RSU1: variants seen among roughly 807,000 people sequenced by gnomAD.
RSU1 encodes the protein Ras suppressor protein 1.
A neutral mutation model predicts 31.1 loss-of-function variants in RSU1; 26 were observed. That is an observed-to-expected ratio of 0.84 (90% CI 0.61 to 1.16). RSU1 has a LOEUF of 1.16. Ranked by LOEUF, RSU1 falls within the 50% of genes most tolerant of loss-of-function variation. The pLI is 0.00. For synonymous variants in RSU1, 164 were observed against 136.3 expected (o/e 1.20, Z -1.41); for missense variants, 320 against 339.1 (o/e 0.94, Z 0.44).
chr10:16,633,935 A>G (rs1834300495), intron 8 of RSU1, among the ~76,000 whole-genome samples: 1 of 152,156 alleles, frequency 6.6e-6, no homozygotes. Flanking sequence ...GCTATCTCCA[A>G]CTGGTTTTCC....
At chr10:16,692,799 A>C (rs1316365882) in intron 8 of RSU1, among the ~76,000 whole-genome samples, 2 of 152,198 alleles carry the variant, frequency 1.3e-5, no homozygotes, top group Non-Finnish European at 2.9e-5. Context: ...ATTAATACAC[A>C]TCCTATACCT....
chr10:16,804,779 C>T (rs529718448), intron 2 of RSU1, among the ~76,000 whole-genome samples: 1 of 152,074 alleles, frequency 6.6e-6, no homozygotes, highest in Non-Finnish European at 1.5e-5. Context: ...ATTATAGAGA[C>T]AAACTGTAAC....
chr10:16,607,404 G>A (rs184109172), intron 8 of RSU1, among the ~76,000 whole-genome samples: 26 of 152,324 alleles, frequency 1.7e-4, no homozygotes, highest in Admixed American at 3.9e-4. Flanking sequence ...TGGACATCAC[G>A]TTTAATCTAA....
At chr10:16,658,368 A>C (rs1834827953) in intron 8 of RSU1, among the ~76,000 whole-genome samples, 1 of 152,132 alleles carries the variant, frequency 6.6e-6, no homozygotes. Context: ...TTTCCCCTTG[A>C]AAATATAAAG....
intron 3 of RSU1, among the ~76,000 whole-genome samples, chr10:16,779,943 T>A (rs1266249376): frequency 6.6e-6 from 1 of 152,110 alleles, no homozygotes; most frequent in Non-Finnish European, 1.5e-5. Flanking sequence ...TTACCAAGAC[T>A]ATTAATTAGA....
intron 3 of RSU1, among the ~76,000 whole-genome samples, chr10:16,766,863 A>C (rs1837324378): frequency 6.6e-6 from 1 of 150,492 alleles, no homozygotes; most frequent in Admixed American, 6.6e-5. Context: ...AAAATAAATA[A>C]ATAAATAAAT....
chr10:16,739,803 G>C (rs954202868), intron 7 of RSU1, among the ~76,000 whole-genome samples: 4 of 151,954 alleles, frequency 2.6e-5, no homozygotes, highest in African/African-American at 9.7e-5. Context: ...TTGAGATGGG[G>C]TTTCTCCATG....
chr10:16,803,483 T>C (rs1030502589), intron 2 of RSU1, among the ~76,000 whole-genome samples: 2 of 152,128 alleles, frequency 1.3e-5, no homozygotes, highest in African/African-American at 4.8e-5. Flanking sequence ...TTTATGGATA[T>C]CAACAAACTG....
chr10:16,726,020 C>T (rs142272772), intron 7 of RSU1, among the ~76,000 whole-genome samples: 1 of 151,024 alleles, frequency 6.6e-6, no homozygotes, highest in East Asian at 1.9e-4. Flanking sequence ...TACATATGCA[C>T]GTATATATGT....
chr10:16,661,493 C>T (rs1366297706), intron 8 of RSU1, among the ~76,000 whole-genome samples: 2 of 152,236 alleles, frequency 1.3e-5, no homozygotes, highest in African/African-American at 2.4e-5. Flanking sequence ...TTTCCATGAC[C>T]TGGCAAGTAG....
At chr10:16,741,289 A>T (rs1190492564) in intron 7 of RSU1, among the ~76,000 whole-genome samples, 1 of 152,236 alleles carries the variant, frequency 6.6e-6, no homozygotes, top group Non-Finnish European at 1.5e-5. Flanking sequence ...TCCTTAGCTC[A>T]TATCACATAC....
At chr10:16,773,599 C>T (rs145052073) in intron 3 of RSU1, among the ~76,000 whole-genome samples, 175 of 152,288 alleles carry the variant, frequency 1.1e-3, no homozygotes, top group Admixed American at 1.8e-3. Flanking sequence ...AAAGCTCTGT[C>T]GCCTCCTCAT....
intron 7 of RSU1, among the ~76,000 whole-genome samples, chr10:16,719,072 T>C (rs1312961195): frequency 6.6e-6 from 1 of 151,532 alleles, no homozygotes; most frequent in Non-Finnish European, 1.5e-5. Flanking sequence ...GAGGATTGCT[T>C]GAAGGCAGGA....
At chr10:16,789,634 C>A (rs1184128862) in intron 2 of RSU1, among the ~76,000 whole-genome samples, 6 of 152,162 alleles carry the variant, frequency 3.9e-5, no homozygotes, top group Non-Finnish European at 8.8e-5. Context: ...ACAAAAGCTG[C>A]CCCCGTTGAA....
rs1212512012 is a variant in RSU1, at chr10:16,593,501, A to C, written c.732-5T>G. 6.2e-7 allele frequency: 1 copy of C among 1,602,346 alleles called. No individual in the cohort carries two copies. The highest frequency in any genetic ancestry group is 1.7e-5 in the Admixed American group (1 of 59,998). ...TGCATGTGTCTGCCGTAGAGGCTGCAAAGACAGAGAAAGGACACTATCAGA... is the reference window on the plus strand; with the variant it reads ...TGCATGTGTCTGCCGTAGAGGCTGCCAAGACAGAGAAAGGACACTATCAGA... On this transcript the variant is annotated splice_region_variant and splice_polypyrimidine_tract_variant and intron_variant, in intron 8 of 8. Coordinates refer to ENST00000345264, the MANE Select transcript of RSU1 (RefSeq NM_012425.4).
rs1838199062 is a variant in RSU1 at position 16,803,395 on chromosome 10, AG to A, written c.109+13577del. Among the ~76,000 whole-genome samples the A allele has an allele frequency of 2.6e-5, 4 of 152,194 alleles. No individual in the cohort carries two copies. In the South Asian group the frequency reaches 6.2e-4, roughly 24 times the overall value. On this transcript the variant is annotated intron_variant, in intron 2 of 8. Coordinates refer to ENST00000345264, the MANE Select transcript of RSU1 (RefSeq NM_012425.4). ...AATGAGATACTTCAGGTTCATGAACAGGAAGACTCAACACTGTTATGATGTC... is the reference window on the plus strand; with the variant it reads ...AATGAGATACTTCAGGTTCATGAACAGAAGACTCAACACTGTTATGATGTC...
chr10:16,616,054 AC>A (rs761199591), intron 8 of RSU1, among the ~76,000 whole-genome samples: 13 of 151,962 alleles, frequency 8.6e-5, no homozygotes, highest in Non-Finnish European at 1.9e-4. Context: ...GACAGGAAAA[AC>A]CCTTTAAAAA....
intron 8 of RSU1, among the ~76,000 whole-genome samples, chr10:16,692,910 G>T (rs1289849102): frequency 2.6e-5 from 4 of 152,180 alleles, no homozygotes; most frequent in Non-Finnish European, 5.9e-5. Flanking sequence ...TTTTATATAG[G>T]AGGATACGGT....
rs368191791 is a variant in RSU1, at chr10:16,704,924, A to C, written c.599-9769T>G. On this transcript the variant is annotated intron_variant, in intron 7 of 8. Transcript: ENST00000345264. ...TTTAAGGGTATGGTTTGGTGATATT[A>C]ATACATTTGTAATTTTGTGCAAACA... Among the ~76,000 whole-genome samples, 5 of 152,302 alleles carry C rather than the reference A, an allele frequency of 3.3e-5. No homozygotes were observed. The South Asian group carries it at 6.2e-4, about 19-fold the overall frequency.
Sources: allele counts gnomAD v4.1 joint callset (sites outside exome capture counted in the v4.1 genomes callset), GRCh38; gene constraint gnomAD v4.1.1; transcripts MANE v1.5; gene names NCBI Gene and HGNC (gene_info 2026-07-23, HGNC 2026-07-21).